Variants in DLGAP4 observed in about 807,000 individuals in gnomAD.
The protein encoded by DLGAP4 is DLG associated protein 4.
A neutral mutation model predicts 86.9 loss-of-function variants in DLGAP4; 18 were observed. That is an observed-to-expected ratio of 0.21 (90% CI 0.14 to 0.31). The LOEUF is 0.31. Among genes scored for constraint, DLGAP4 ranks in the 10% least tolerant of loss-of-function variants. The probability of loss-of-function intolerance (pLI) is 1.00; values close to 1 mark genes in which losing one functional copy is unlikely to be tolerated. For missense variants in DLGAP4, 1,085 were observed against 1,362.6 expected, an observed-to-expected ratio of 0.80 and a Z score of 3.21; for synonymous variants, 548 against 574.3, an observed-to-expected ratio of 0.95 and a Z score of 0.65.
At chr20:36,453,696 G>A (rs575537919) in intron 7 of DLGAP4, among the ~76,000 whole-genome samples, 1 of 152,188 alleles carries the variant, frequency 6.6e-6, no homozygotes, top group African/African-American at 2.4e-5. Flanking sequence ...ACTTTGGGAA[G>A]CTGAGGTGGG....
intron 7 of DLGAP4, among the ~76,000 whole-genome samples, chr20:36,494,984 G>GTTTTTTTTTTTTTTTTTTTTTTTTTTTTT (rs752411826): frequency 6.6e-5 from 5 of 75,392 alleles, no homozygotes; most frequent in Non-Finnish European, 9.2e-5. Context: ...TTTTTGTTCG[G>GTTTTTTTTTTTTTTTTTTTTTTTTTTTTT]TTTTTTTTTT....
At chr20:36,329,645 C>A (rs1555891323) in intron 1 of DLGAP4, among the ~76,000 whole-genome samples, 1 of 152,176 alleles carries the variant, frequency 6.6e-6, no homozygotes, top group East Asian at 1.9e-4. Flanking sequence ...GCCTGTAATC[C>A]CAGCACTTTG....
chr20:36,312,961 G>T (rs2065066054), intron 1 of DLGAP4, among the ~76,000 whole-genome samples: 1 of 152,100 alleles, frequency 6.6e-6, no homozygotes. Flanking sequence ...ACCTCTCTGG[G>T]CCTCCATCTA....
intron 2 of DLGAP4, among the ~76,000 whole-genome samples, chr20:36,396,578 T>G (rs199502117): frequency 2.4e-4 from 4 of 16,438 alleles, no homozygotes; most frequent in South Asian, 2.3e-3. Context: ...ACACACCACA[T>G]ACACACACCA....
intron 1 of DLGAP4, among the ~76,000 whole-genome samples, chr20:36,349,704 G>A (rs1024805551): frequency 6.6e-5 from 10 of 152,122 alleles, no homozygotes; most frequent in Non-Finnish European, 1.0e-4. Context: ...CATCCTGGTT[G>A]TTCAACAGAT....
At chr20:36,525,633 A>C (rs1286016939) in intron 11 of DLGAP4, 1 of 612,810 alleles carries the variant, frequency 1.6e-6, no homozygotes, top group Non-Finnish European at 2.8e-6. Context: ...CTTCCTTGCC[A>C]CAGCCCTTAG....
chr20:36,520,702 G>A (rs557279984), intron 10 of DLGAP4, among the ~76,000 whole-genome samples: 82 of 151,678 alleles, frequency 5.4e-4, no homozygotes, highest in African/African-American at 1.8e-3. Context: ...ATGACGTCTA[G>A]TTTATCTGCT....
intron 2 of DLGAP4, among the ~76,000 whole-genome samples, chr20:36,406,259 A>G (rs1347265377): frequency 1.3e-5 from 2 of 150,806 alleles, no homozygotes; most frequent in Non-Finnish European, 3.0e-5. Flanking sequence ...TTAGCCAGGC[A>G]TGGTGGCGGG....
At chr20:36,526,165 T>C in intron 12 of DLGAP4, 159 bp downstream of exon 12, 1 of 1,037,198 alleles carries the variant, frequency 9.6e-7, no homozygotes, top group African/African-American at 1.6e-5. Flanking sequence ...GCTTGGCACT[T>C]GTCTGGCATG....
chr20:36,438,453 T>A (rs1250232292), intron 4 of DLGAP4, among the ~76,000 whole-genome samples: 2 of 150,162 alleles, frequency 1.3e-5, no homozygotes, highest in African/African-American at 4.9e-5. Context: ...GCCCTCACAC[T>A]GTCCAGGCTG....
chr20:36,511,281 C>T (rs1346757525), intron 10 of DLGAP4, among the ~76,000 whole-genome samples: 1 of 152,164 alleles, frequency 6.6e-6, no homozygotes, highest in Non-Finnish European at 1.5e-5. Flanking sequence ...TGGCTCATTA[C>T]AGCCTCAGCC....
intron 1 of DLGAP4, among the ~76,000 whole-genome samples, chr20:36,324,791 G>A (rs992592739): frequency 2.0e-5 from 3 of 152,084 alleles, no homozygotes; most frequent in African/African-American, 7.2e-5. Context: ...GTAGTGATGT[G>A]ACCTGTTTCA....
At chr20:36,357,678 A>C (rs577090502) in intron 1 of DLGAP4, among the ~76,000 whole-genome samples, 1 of 152,336 alleles carries the variant, frequency 6.6e-6, no homozygotes, top group African/African-American at 2.4e-5. Context: ...AAATGAACCA[A>C]CGATGAGGTC....
At chr20:36,430,476 C>T (rs1053437959) in intron 2 of DLGAP4, among the ~76,000 whole-genome samples, 14 of 152,044 alleles carry the variant, frequency 9.2e-5, no homozygotes, top group African/African-American at 3.4e-4. Context: ...GACGGTACTG[C>T]CCTCAGACCT....
chr20:36,432,509 G>A lies in DLGAP4; in HGVS notation c.792G>A (p.Leu264=), dbSNP rs1569497414. The A allele has an allele frequency of 3.7e-6, 6 of 1,613,020 alleles. No individual in the cohort carries two copies. The highest frequency in any genetic ancestry group is 5.1e-6 in the Non-Finnish European group (6 of 1,179,962). ...LKTTKNNTTE[L]TAPPPPPAPP... is the part of the protein sequence containing the mutation. ...CCACCAAGAACAACACTACTGAGCT[G>A]ACTGCCCCACCACCCCCGCCCGCAC... is the stretch of plus-strand genomic sequence containing the variant. The change falls in exon 3 of 13, where the codon CTG becomes CTA. Residue 264 remains leucine (L), a synonymous_variant. Coordinates refer to ENST00000339266, the MANE Select transcript of DLGAP4 (RefSeq NM_001365621.2). The surrounding 1 kb of genome is among the most constrained non-coding windows in gnomAD (Gnocchi z 6.5).
At chr20:36,464,317 T>C (rs2034240721) in intron 7 of DLGAP4, among the ~76,000 whole-genome samples, 1 of 152,194 alleles carries the variant, frequency 6.6e-6, no homozygotes, top group Non-Finnish European at 1.5e-5. Flanking sequence ...CCTAGCACTT[T>C]GGGAGGCCAA....
Position 36,497,007 on chromosome 20 carries a change from A to C in DLGAP4, c.1951A>C (p.Ser651Arg), listed in dbSNP as rs1229350413. The change falls in exon 8 of 13, where the codon AGC becomes CGC. Residue 651 changes from serine to arginine, a missense_variant. Around this residue, in one of 2 missense-constraint regions of DLGAP4, gnomAD observed 1,082 missense variants for 1,344.1 expected, o/e 0.81. Coordinates refer to ENST00000339266, the MANE Select transcript of DLGAP4 (RefSeq NM_001365621.2). The stretch of plus-strand genomic sequence containing the variant: ...GAAAAGTGAACAAGGGACGCTGACC[A>C]GCTCTGAGTCCCACCCCGAGGCCGC... The part of the protein sequence containing the change: ...ALKSEQGTLT[S>R]SESHPEAAPK... 6.2e-7 allele frequency: 1 copy of C among 1,613,702 alleles called. No individual in the cohort carries two copies. The highest frequency in any genetic ancestry group is 1.7e-5 in the Admixed American group (1 of 60,000).
rs1196264578 is a variant in DLGAP4, at chr20:36,476,677, C to G, written c.1649-20028C>G. ...ATTCTATTACTCTAGGTATCTCATT[C>G]ACTAGCCCAATTTTTTTTTTTTTTT... On this transcript the variant is annotated intron_variant, in intron 7 of 12. Transcript: ENST00000339266. Among the ~76,000 whole-genome samples, 18 of 137,248 alleles carry G rather than the reference C, an allele frequency of 1.3e-4. 1 individual carries two copies. The highest frequency in any genetic ancestry group is 6.2e-5 in the Non-Finnish European group (4 of 64,496). The allele number at this position is 137,248 out of a possible 152,430, so 90.0% of individuals were successfully genotyped here. A position where few individuals can be genotyped will look rare whatever the true frequency, so the allele number is the denominator to read the frequency against.
intron 2 of DLGAP4, among the ~76,000 whole-genome samples, chr20:36,387,840 C>T (rs1272717555): frequency 6.6e-6 from 1 of 152,196 alleles, no homozygotes; most frequent in Admixed American, 6.5e-5. Flanking sequence ...GAACTCTGTT[C>T]TGTTTCATTG....
Sources: gnomAD v4.1 joint callset for allele counts (sites outside exome capture counted in the v4.1 genomes callset) on GRCh38, gnomAD v4.1.1 for gene constraint, gnomAD v4.1.1 regional missense constraint, Gnocchi (gnomAD v3.1) non-coding constraint, MANE v1.5 for transcripts, NCBI Gene and HGNC (gene_info 2026-07-23, HGNC 2026-07-21) for gene names.